Variants in KAZN observed in about 807,000 individuals in gnomAD.
KAZN encodes kazrin.
In KAZN, 40 loss-of-function variants were observed where a neutral mutation model predicts 87.4. That is an observed-to-expected ratio of 0.46 (90% CI 0.36 to 0.60). The LOEUF is 0.60. Ranked by LOEUF, KAZN falls within the 20% of genes least tolerant of loss-of-function variation. The probability of loss-of-function intolerance (pLI) is 0.00; values close to 1 mark genes in which losing one functional copy is unlikely to be tolerated. For synonymous variants in KAZN, 466 were observed against 458.3 expected (o/e 1.02, Z -0.22); for missense variants, 898 against 1,073.9 (o/e 0.84, Z 2.29).
At chr1:14,207,907 T>A (rs937891342) in intron 2 of KAZN, among the ~76,000 whole-genome samples, 31 of 152,330 alleles carry the variant, frequency 2.0e-4, no homozygotes, top group African/African-American at 7.2e-4. Context: ...TGCTGGCTGA[T>A]GGCAGATAAT....
At chr1:14,879,268 T>C (rs566378256) in intron 1 of KAZN, among the ~76,000 whole-genome samples, 1 of 152,330 alleles carries the variant, frequency 6.6e-6, no homozygotes, top group East Asian at 1.9e-4. Context: ...ATTCACCATC[T>C]CGTGAGGTGG....
chr1:14,435,279 G>A (rs1666314447), intron 2 of KAZN, among the ~76,000 whole-genome samples: 1 of 152,136 alleles, frequency 6.6e-6, no homozygotes, highest in South Asian at 2.1e-4. Flanking sequence ...GTGCACGGTG[G>A]CCATCCTTTG....
At chr1:14,665,698 C>A (rs768506721) in intron 1 of KAZN, among the ~76,000 whole-genome samples, 9 of 152,070 alleles carry the variant, frequency 5.9e-5, no homozygotes, top group Non-Finnish European at 1.0e-4. Flanking sequence ...CCTAACGATT[C>A]AGTTAGAGAA....
At chr1:14,744,334 A>G (rs1412888044) in intron 1 of KAZN, among the ~76,000 whole-genome samples, 2 of 152,318 alleles carry the variant, frequency 1.3e-5, no homozygotes, top group African/African-American at 4.8e-5. Context: ...GAAGGGAATC[A>G]AGGTCCAGTG....
intron 2 of KAZN, among the ~76,000 whole-genome samples, chr1:14,536,702 C>T (rs934260192): frequency 2.0e-5 from 3 of 152,128 alleles, no homozygotes; most frequent in South Asian, 2.1e-4. Flanking sequence ...GTCAACATGG[C>T]GAAACCCTGT....
At chr1:14,681,001 T>C (rs1640537141) in intron 1 of KAZN, among the ~76,000 whole-genome samples, 2 of 152,078 alleles carry the variant, frequency 1.3e-5, no homozygotes, top group African/African-American at 4.8e-5. Context: ...AACAGGCACG[T>C]TACAGGCAAA....
intron 1 of KAZN, among the ~76,000 whole-genome samples, chr1:14,638,834 C>A (rs1206864671): frequency 6.6e-6 from 1 of 152,166 alleles, no homozygotes; most frequent in Non-Finnish European, 1.5e-5. Context: ...CTCCTTGCTT[C>A]TTGCCTTCCA....
In KAZN at chr1:14,684,255, G is replaced by A. The variant is rs141556055; in HGVS notation, c.226+85032G>A. On this transcript the variant is annotated intron_variant, in intron 1 of 14. Coordinates refer to ENST00000376030, the MANE Select transcript of KAZN (RefSeq NM_201628.3). ...TTTGCAGGTTTACCTCGTGGAATCAGCGTTGGGGCTGTGGGCAGAGGATAC... is the reference window on the plus strand; with the variant it reads ...TTTGCAGGTTTACCTCGTGGAATCAACGTTGGGGCTGTGGGCAGAGGATAC... Among the ~76,000 whole-genome samples, 276 of 152,328 alleles carry A rather than the reference G, an allele frequency of 1.8e-3. 1 individual carries two copies. The highest frequency in any genetic ancestry group is 6.8e-3 in the Middle Eastern group (2 of 294).
At chr1:14,760,732 T>C (rs1287037015) in intron 1 of KAZN, among the ~76,000 whole-genome samples, 1 of 152,124 alleles carries the variant, frequency 6.6e-6, no homozygotes, top group Non-Finnish European at 1.5e-5. Context: ...AGTGGGAGGA[T>C]TGCTTGAGCC....
chr1:14,036,280 A>C (rs1641554615), intron 1 of KAZN, among the ~76,000 whole-genome samples: 1 of 152,194 alleles, frequency 6.6e-6, no homozygotes, highest in Non-Finnish European at 1.5e-5. Context: ...TGGGATGGGT[A>C]AGACCTTTAT....
At chr1:13,994,016 A>C (rs139944079) in intron 1 of KAZN, among the ~76,000 whole-genome samples, 3 of 152,328 alleles carry the variant, frequency 2.0e-5, no homozygotes, top group Non-Finnish European at 4.4e-5. Flanking sequence ...TGAAGTCTGA[A>C]TTTTTATCCA....
intron 1 of KAZN, among the ~76,000 whole-genome samples, chr1:13,964,797 A>C (rs1186409880): frequency 6.6e-6 from 1 of 152,194 alleles, no homozygotes; most frequent in Non-Finnish European, 1.5e-5. Context: ...TGGGATGGAA[A>C]GTGAGGGGTG....
chr1:14,047,493 A>G (rs1642124994), intron 1 of KAZN, among the ~76,000 whole-genome samples: 1 of 152,110 alleles, frequency 6.6e-6, no homozygotes. Flanking sequence ...CTCACTCCAA[A>G]CAAACAACCC....
intron 2 of KAZN, among the ~76,000 whole-genome samples, chr1:14,411,832 TAAAAAG>T (rs1664332582): frequency 6.6e-6 from 1 of 152,164 alleles, no homozygotes; most frequent in Admixed American, 6.5e-5. Flanking sequence ...ACACGTAACA[TAAAAAG>T]AAAGTCTATG....
intron 8 of KAZN, among the ~76,000 whole-genome samples, chr1:15,069,091 G>C (rs1346438041): frequency 1.3e-5 from 2 of 151,860 alleles, no homozygotes; most frequent in Non-Finnish European, 2.9e-5. Flanking sequence ...AATCTCCTCT[G>C]GTGATTCTAA....
chr1:14,721,046 A>G (rs1035306301), intron 1 of KAZN, among the ~76,000 whole-genome samples: 4 of 152,136 alleles, frequency 2.6e-5, no homozygotes, highest in Non-Finnish European at 4.4e-5. Context: ...AGCACTATCT[A>G]TTTAGGGTGC....
chr1:13,967,808 C>T (rs548883310), intron 1 of KAZN, among the ~76,000 whole-genome samples: 1 of 152,276 alleles, frequency 6.6e-6, no homozygotes, highest in African/African-American at 2.4e-5. Flanking sequence ...CTTCACTGGG[C>T]GGGGCTGGAT....
intron 1 of KAZN, among the ~76,000 whole-genome samples, chr1:14,813,347 T>C (rs959289855): frequency 6.6e-5 from 10 of 152,220 alleles, no homozygotes; most frequent in African/African-American, 2.4e-4. Flanking sequence ...GGTTTCCACC[T>C]GAACTTCTTG....
In KAZN at chr1:14,940,898, C is replaced by CTTTTTTT. The variant is rs66777443; in HGVS notation, c.227-19761_227-19755dup. 5.1e-4 allele frequency among the ~76,000 whole-genome samples: 28 copies of CTTTTTTT among 54,404 alleles called. 5 individuals carry two copies. The highest frequency in any genetic ancestry group is 9.2e-4 in the African/African-American group (11 of 12,018). 35.7% of individuals were successfully genotyped at this position (54,404 alleles called of 152,430 possible). A position where few individuals can be genotyped will look rare whatever the true frequency, so the allele number is the denominator to read the frequency against. On this transcript the variant is annotated intron_variant, in intron 1 of 14. Coordinates refer to ENST00000376030, the MANE Select transcript of KAZN (RefSeq NM_201628.3). Reference sequence around the variant, plus strand: ...ACCAGACAGATGTCATTCTACCTTTCTTTTTTTTTTTTTTTTTTTTTTTTT... The same window carrying CTTTTTTT: ...ACCAGACAGATGTCATTCTACCTTTCTTTTTTTTTTTTTTTTTTTTTTTTTTTTTTTT...
Sources: allele counts gnomAD v4.1 joint callset (sites outside exome capture counted in the v4.1 genomes callset), GRCh38; gene constraint gnomAD v4.1.1; transcripts MANE v1.5; gene names NCBI Gene and HGNC (gene_info 2026-07-23, HGNC 2026-07-21).